Variants in KDM4B observed in about 807,000 individuals in gnomAD.
KDM4B encodes the protein lysine demethylase 4B, also known as lysine-specific demethylase 4B.
Under a neutral mutation model 125.2 loss-of-function variants are expected in KDM4B, and 32 were observed. That is an observed-to-expected ratio of 0.26 (90% CI 0.19 to 0.34). KDM4B has a LOEUF of 0.34. KDM4B is among the 10% of genes least tolerant of loss of function. KDM4B has a pLI of 1.00. For synonymous variants in KDM4B, 721 were observed against 677.9 expected (o/e 1.06, Z -0.99); for missense variants, 1,190 against 1,577.7 (o/e 0.75, Z 4.16).
intron 9 of KDM4B, among the ~76,000 whole-genome samples, chr19:5,107,504 C>T (rs1423384814): frequency 6.6e-6 from 1 of 152,168 alleles, no homozygotes; most frequent in African/African-American, 2.4e-5. Context: ...CAGTCAGGGG[C>T]CTGGCTAATG....
chr19:5,111,653 A>G, intron 10 of KDM4B: 1 of 707,290 alleles, frequency 1.4e-6, no homozygotes, highest in Non-Finnish European at 2.6e-6. Context: ...TTGGTGCCCA[A>G]GGAACATTCA....
intron 1 of KDM4B, among the ~76,000 whole-genome samples, chr19:4,975,667 A>G (rs909574011): frequency 8.8e-5 from 13 of 147,500 alleles, no homozygotes; most frequent in African/African-American, 2.5e-4. Flanking sequence ...ATCTCGGCTC[A>G]CTGCAACCTC....
At chr19:5,067,686 G>C (rs2037817614) in intron 6 of KDM4B, among the ~76,000 whole-genome samples, 1 of 152,170 alleles carries the variant, frequency 6.6e-6, no homozygotes, top group African/African-American at 2.4e-5. Context: ...GCCCGTGCAG[G>C]TCATGGAGCC....
chr19:5,029,264 C>T (rs758406661), intron 2 of KDM4B, among the ~76,000 whole-genome samples: 20 of 152,212 alleles, frequency 1.3e-4, no homozygotes, highest in Admixed American at 2.6e-4. Context: ...TTGAGAGCCC[C>T]ATTCCTTGGC....
At chr19:4,983,861 G>T (rs541919848) in intron 1 of KDM4B, among the ~76,000 whole-genome samples, 1 of 152,160 alleles carries the variant, frequency 6.6e-6, no homozygotes, top group African/African-American at 2.4e-5. Flanking sequence ...ACCCATGCAC[G>T]TAGCCTGCTG....
At position 5,047,695 on chromosome 19, in the gene KDM4B, C is replaced by T. The variant is rs369564789; in HGVS notation, c.626+26C>T. ...GTGAGTGTCTGCACTGGCCCTGCCGCCGGCCGGACCGAGAGCCCCTCGGGA... is the reference window on the plus strand; with the variant it reads ...GTGAGTGTCTGCACTGGCCCTGCCGTCGGCCGGACCGAGAGCCCCTCGGGA... On this transcript the variant is annotated intron_variant, in intron 6 of 22. Coordinates refer to ENST00000159111, the MANE Select transcript of KDM4B (RefSeq NM_015015.3). 4 of 1,604,610 alleles carry T rather than the reference C, an allele frequency of 2.5e-6. No individual in the cohort carries two copies. The African/African-American group carries it at 5.4e-5, about 21-fold the overall frequency.
rs186431008 is a variant in KDM4B at position 5,077,288 on chromosome 19, G to T, written c.677-79G>T. 6.2e-4 allele frequency: 767 copies of T among 1,228,692 alleles called. 1 individual carries two copies. Among genetic ancestry groups the T allele is most frequent in the Non-Finnish European group, 8.4e-4 (721 of 853,368 alleles). The allele number at this position is 1,228,692 out of a possible 1,614,324, so 76.1% of individuals were successfully genotyped here. ...CGCTCTCCATGGGAGGAAAGAGCCAGCCTGCCCAGAGGGCAGCATCCTCGC... is the reference window on the plus strand; with the variant it reads ...CGCTCTCCATGGGAGGAAAGAGCCATCCTGCCCAGAGGGCAGCATCCTCGC... On this transcript the variant is annotated intron_variant, in intron 7 of 22. Coordinates refer to ENST00000159111, the MANE Select transcript of KDM4B (RefSeq NM_015015.3).
intron 5 of KDM4B, among the ~76,000 whole-genome samples, chr19:5,043,122 G>A (rs1218573006): frequency 2.0e-5 from 3 of 151,600 alleles, no homozygotes; most frequent in Non-Finnish European, 4.4e-5. Flanking sequence ...GGCGTTTATC[G>A]GAGTGGGGTG....
At chr19:4,980,971 G>A (rs1391992970) in intron 1 of KDM4B, among the ~76,000 whole-genome samples, 7 of 152,116 alleles carry the variant, frequency 4.6e-5, no homozygotes, top group Admixed American at 3.3e-4. Context: ...TCAGCTTGGC[G>A]GATGCTGGGC....
At chr19:5,107,244 C>T (rs2039052921) in intron 9 of KDM4B, among the ~76,000 whole-genome samples, 1 of 152,252 alleles carries the variant, frequency 6.6e-6, no homozygotes, top group South Asian at 2.1e-4. Context: ...GGGGCGTGCT[C>T]AGGCCTTTGG....
intron 7 of KDM4B, among the ~76,000 whole-genome samples, chr19:5,071,506 C>T (rs1599554629): frequency 6.6e-6 from 1 of 152,258 alleles, no homozygotes; most frequent in Non-Finnish European, 1.5e-5. Flanking sequence ...GGCCGCACGG[C>T]GTTTGCCCTT....
chr19:5,024,367 A>T, intron 2 of KDM4B, among the ~76,000 whole-genome samples: 1 of 152,106 alleles, frequency 6.6e-6, no homozygotes, highest in Non-Finnish European at 1.5e-5. Flanking sequence ...CCTGCATCTG[A>T]AGACTGAAGA....
intron 1 of KDM4B, among the ~76,000 whole-genome samples, chr19:5,008,573 TTTC>T (rs1402979492): frequency 6.6e-6 from 1 of 151,570 alleles, no homozygotes; most frequent in Non-Finnish European, 1.5e-5. Flanking sequence ...TGCCTCCTTG[TTTC>T]TTCTTTTTCT....
intron 1 of KDM4B, among the ~76,000 whole-genome samples, chr19:4,988,349 C>G (rs763692883): frequency 2.0e-5 from 3 of 152,086 alleles, no homozygotes; most frequent in African/African-American, 4.8e-5. Context: ...GATCTAGGCT[C>G]ACTGCAAGCT....
At chr19:5,147,624 T>C (rs2039873813) in intron 21 of KDM4B, among the ~76,000 whole-genome samples, 1 of 151,368 alleles carries the variant, frequency 6.6e-6, no homozygotes, top group African/African-American at 2.4e-5. Flanking sequence ...GCACCTTTAG[T>C]CCCAGCTACT....
intron 1 of KDM4B, among the ~76,000 whole-genome samples, chr19:5,012,469 C>G (rs1029288636): frequency 1.3e-5 from 2 of 152,014 alleles, no homozygotes; most frequent in Admixed American, 6.6e-5. Context: ...CCTCGTGGCC[C>G]GTAGCCGTCC....
chr19:5,126,769 G>C (rs933132832), intron 11 of KDM4B, among the ~76,000 whole-genome samples: 1 of 152,248 alleles, frequency 6.6e-6, no homozygotes, highest in Non-Finnish European at 1.5e-5. Context: ...GGTTCAGCAC[G>C]GGAGGGTGGC....
intron 1 of KDM4B, among the ~76,000 whole-genome samples, chr19:4,990,082 G>A (rs1219367154): frequency 6.6e-6 from 1 of 152,082 alleles, no homozygotes; most frequent in African/African-American, 2.4e-5. Context: ...TTGAGGCCAG[G>A]AGTTCAAGAC....
At position 5,047,700 on chromosome 19, in the gene KDM4B, C is replaced by T. The variant is rs200068087; in HGVS notation, c.626+31C>T. ...TGTCTGCACTGGCCCTGCCGCCGGC[C>T]GGACCGAGAGCCCCTCGGGAGGGAG... On this transcript the variant is annotated intron_variant, in intron 6 of 22. Transcript: ENST00000159111. 52 of 1,602,282 alleles carry T rather than the reference C, an allele frequency of 3.2e-5. 1 individual carries two copies. In the Middle Eastern group the frequency reaches 6.7e-4, roughly 21 times the overall value.
Sources: allele counts gnomAD v4.1 joint callset (sites outside exome capture counted in the v4.1 genomes callset), GRCh38; gene constraint gnomAD v4.1.1; transcripts MANE v1.5; gene names NCBI Gene and HGNC (gene_info 2026-07-23, HGNC 2026-07-21).